Variants in LPA observed in about 807,000 individuals in gnomAD.
LPA encodes apolipoprotein(a).
LPA carries 199 observed loss-of-function variants against 197.9 expected under a neutral mutation model. That is an observed-to-expected ratio of 1.01 (90% CI 0.90 to 1.13). The LOEUF (loss-of-function observed/expected upper bound fraction) is 1.13, where lower values mean the gene tolerates loss of function less well. Among genes scored for constraint, LPA ranks in the 50% most tolerant of loss-of-function variants. LPA has a pLI of 0.00. For missense variants in LPA, 1,853 were observed against 1,785.8 expected (o/e 1.04, Z -0.68); for synonymous variants, 715 against 639.5 (o/e 1.12, Z -1.78).
At position 160,586,537 on chromosome 6, in the gene LPA, G is replaced by A. The variant is rs370342150; in HGVS notation, c.4041C>T (p.Asn1347=). 6.1e-5 allele frequency: 98 copies of A among 1,613,680 alleles called. No individual in the cohort carries two copies. The highest frequency in any genetic ancestry group is 1.4e-4 in the South Asian group (13 of 91,088). The change falls in exon 25 of 39, where the codon AAC becomes AAT. Residue 1347 remains asparagine (N), a synonymous_variant. Transcript: ENST00000316300. ...ATTCCATCACTGGACATTGCGTCAG[G>A]TTGCAGTACTCCCATCTGACACTGG... ...MDPSVRWEYC[N]LTQCPVMEST... is the part of the protein sequence containing the mutation.
chr6:160,654,004 A>T lies in LPA; in HGVS notation c.50-3507T>A, dbSNP rs56737149. ...ATAATATATAATATATATTATATAT[A>T]ATATATATTATATATAATATATAAT... On this transcript the variant is annotated intron_variant, in intron 1 of 38. Transcript: ENST00000316300. Among the ~76,000 whole-genome samples, 42 of 5,900 alleles carry T rather than the reference A, an allele frequency of 7.1e-3. 1 individual carries two copies. Among genetic ancestry groups the T allele is most frequent in the Middle Eastern group, 0.1 (1 of 10 alleles). The allele number at this position is 5,900 out of a possible 152,430, so 3.9% of individuals were successfully genotyped here. A position where few individuals can be genotyped will look rare whatever the true frequency, so the allele number is the denominator to read the frequency against.
rs1286440974 is a variant in LPA at position 160,577,270 on chromosome 6, G to T, written c.4497C>A (p.Val1499=). 1.2e-6 allele frequency: 2 copies of T among 1,613,690 alleles called. No homozygotes were observed. Among genetic ancestry groups the T allele is most frequent in the Non-Finnish European group, 1.7e-6 (2 of 1,179,764 alleles). ...EQAPPEKSPV[V]QDCYHGDGRS... The stretch of plus-strand genomic sequence containing the variant: ...GTCCATCACCATGGTAGCAATCCTG[G>T]ACCACAGGGCTTTTCTCAGGTGGTG... The change falls in exon 28 of 39, where the codon GTC becomes GTA. Residue 1499 remains valine (V), a synonymous_variant. Transcript: ENST00000316300.
intron 27 of LPA, among the ~76,000 whole-genome samples, 173 bp from the exon 28 acceptor site, chr6:160,577,468 T>C (rs1778706453): frequency 6.6e-6 from 1 of 152,220 alleles, no homozygotes; most frequent in Non-Finnish European, 1.5e-5. Flanking sequence ...TCTAGAATTT[T>C]AATAAGTTCA....
chr6:160,597,533 T>A (rs1246804362), intron 20 of LPA, among the ~76,000 whole-genome samples: 2 of 152,226 alleles, frequency 1.3e-5, no homozygotes, highest in African/African-American at 4.8e-5. Context: ...ATTGAATTAT[T>A]TTTCAGTTAA....
At chr6:160,558,597 C>A (rs1015379956) in intron 28 of LPA, among the ~76,000 whole-genome samples, 1 of 152,112 alleles carries the variant, frequency 6.6e-6, no homozygotes, top group African/African-American at 2.4e-5. Flanking sequence ...CCTCTGCTAG[C>A]GGCAGCCACT....
chr6:160,573,817 G>A (rs1203088249), intron 28 of LPA, among the ~76,000 whole-genome samples: 1 of 152,144 alleles, frequency 6.6e-6, no homozygotes. Flanking sequence ...TGCCTGTTCT[G>A]GTGGAGGTGG....
chr6:160,590,863 A>G (rs997252034), intron 23 of LPA, 81 bp downstream of exon 23: 9 of 1,568,514 alleles, frequency 5.7e-6, no homozygotes, highest in African/African-American at 5.4e-5. Context: ...GCAGCATGGA[A>G]GGCTTCTGTA....
chr6:160,648,011 C>G (rs1365712156), intron 2 of LPA, among the ~76,000 whole-genome samples: 1 of 152,146 alleles, frequency 6.6e-6, no homozygotes, highest in Non-Finnish European at 1.5e-5. Context: ...CTGCTGATTC[C>G]AAAGTCTTAC....
At chr6:160,550,310 G>T (rs1265543866) in intron 30 of LPA, among the ~76,000 whole-genome samples, 2 of 151,760 alleles carry the variant, frequency 1.3e-5, no homozygotes, top group Non-Finnish European at 2.9e-5. Flanking sequence ...CAGGAATGTT[G>T]CTCCAACCTC....
At chr6:160,536,645 G>A (rs1276315339) in intron 37 of LPA, among the ~76,000 whole-genome samples, 1 of 152,156 alleles carries the variant, frequency 6.6e-6, no homozygotes, top group Admixed American at 6.5e-5. Context: ...CTAACTCACA[G>A]TGGTTTGTAG....
rs1778094214 is a variant in LPA, at chr6:160,547,655, G to A, written c.5304+134C>T. 2.5e-6 allele frequency: 3 copies of A among 1,211,412 alleles called. No homozygotes were observed. In the Admixed American group the frequency reaches 5.5e-5, roughly 22 times the overall value. The allele number at this position is 1,211,412 out of a possible 1,614,324, so 75.0% of individuals were successfully genotyped here. On this transcript the variant is annotated intron_variant, in intron 32 of 38. Transcript: ENST00000316300. The stretch of plus-strand genomic sequence containing the variant: ...CACGCGTGGGGCTTTGCTGGCCTGT[G>A]CTGCTTGCACTTTCCATGCTAAGGC...
chr6:160,582,415 G>T (rs112481253), intron 26 of LPA, among the ~76,000 whole-genome samples: 143 of 150,598 alleles, frequency 9.5e-4, no homozygotes, highest in African/African-American at 3.1e-3. Context: ...TTTCTGATTT[G>T]ATCTTGTTTT....
rs574290755 is a variant in LPA at position 160,585,224 on chromosome 6, A to T, written c.4130-19T>A. 6.2e-7 allele frequency: 1 copy of T among 1,613,438 alleles called. No homozygotes were observed. Among genetic ancestry groups the T allele is most frequent in the African/African-American group, 1.3e-5 (1 of 74,842 alleles). The stretch of plus-strand genomic sequence containing the variant: ...GTTGGTGCTGAAATTAAAAGAGAAA[A>T]TCAAGCTCAGTATTGCCTAGAAAAG... On this transcript the variant is annotated intron_variant, in intron 25 of 38. Transcript: ENST00000316300.
intron 20 of LPA, among the ~76,000 whole-genome samples, chr6:160,597,485 A>G (rs900797858): frequency 2.0e-5 from 3 of 152,158 alleles, no homozygotes; most frequent in Non-Finnish European, 4.4e-5. Flanking sequence ...CACGTGTGCC[A>G]TTGTGTGTAT....
In LPA at chr6:160,531,763, A is replaced by G. The variant is rs932905163; in HGVS notation, c.6089T>C (p.Val2030Ala). 11 of 1,613,920 alleles carry G rather than the reference A, an allele frequency of 6.8e-6. No individual in the cohort carries two copies. Among genetic ancestry groups the G allele is most frequent in the Non-Finnish European group, 9.3e-6 (11 of 1,179,986 alleles). The change falls in exon 39 of 39, where the codon GTT (valine) becomes GCT (alanine). Residue 2030 changes from valine to alanine, a missense_variant. Physicochemically the swap from Val to Ala is moderately conservative, Grantham distance 64. Transcript: ENST00000316300. ...PGVYARVSRF[V>A]TWIEGMMRNN ...TCTCATCATTCCCTCAATCCAAGTA[A>G]CAAACCTTGAAACACGAGCATAGAC...
intron 16 of LPA, among the ~76,000 whole-genome samples, chr6:160,609,717 AG>A (rs1779444493): frequency 6.6e-6 from 1 of 151,590 alleles, no homozygotes. Context: ...CATGTCTCTG[AG>A]GGTCGGTTAA....
chr6:160,593,050 G>C (rs1005753845), intron 22 of LPA, among the ~76,000 whole-genome samples: 1 of 152,108 alleles, frequency 6.6e-6, no homozygotes, highest in African/African-American at 2.4e-5. Context: ...AGAAGACTTC[G>C]GTGTGTATTC....
At chr6:160,576,482 A>G (rs1450942686) in intron 28 of LPA, among the ~76,000 whole-genome samples, 1 of 141,992 alleles carries the variant, frequency 7.0e-6, no homozygotes, top group Non-Finnish European at 1.5e-5. Flanking sequence ...TCAGTTACAT[A>G]CCTGAATATT....
intron 24 of LPA, among the ~76,000 whole-genome samples, chr6:160,587,247 G>A (rs960113031): frequency 1.3e-5 from 2 of 152,272 alleles, no homozygotes; most frequent in Admixed American, 1.3e-4. Context: ...CATCTGTTTA[G>A]CCAGACTTTG....
Sources: allele counts gnomAD v4.1 joint callset (sites outside exome capture counted in the v4.1 genomes callset), GRCh38; gene constraint gnomAD v4.1.1; transcripts MANE v1.5; gene names NCBI Gene and HGNC (gene_info 2026-07-23, HGNC 2026-07-21).